NRG1: variants seen among roughly 807,000 people sequenced by gnomAD.
NRG1 encodes pro-neuregulin-1, membrane-bound isoform.
A neutral mutation model predicts 63.8 loss-of-function variants in NRG1; 18 were observed. The ratio of observed to expected loss-of-function variants is 0.28; its 90% confidence interval spans 0.19 to 0.42. The LOEUF is 0.42. Ranked by LOEUF, NRG1 falls within the 10% of genes least tolerant of loss-of-function variation. NRG1 has a pLI of 1.00. For synonymous variants in NRG1, 302 were observed against 301.3 expected (o/e 1.00, Z -0.02); for missense variants, 762 against 814.7 (o/e 0.94, Z 0.79).
At chr8:32,407,299 TA>T (rs1438139040) in intron 1 of NRG1, among the ~76,000 whole-genome samples, 212 of 3,210 alleles carry the variant, frequency 0.066, 5 homozygotes, top group African/African-American at 0.092. Context: ...ATATATTATA[TA>T]TATATATATA....
chr8:31,965,259 G>A (rs546783767), intron 1 of NRG1, among the ~76,000 whole-genome samples: 1 of 149,938 alleles, frequency 6.7e-6, no homozygotes, highest in South Asian at 2.1e-4. Flanking sequence ...GTCTCACTCT[G>A]TCACCCAGGC....
intron 1 of NRG1, among the ~76,000 whole-genome samples, chr8:32,186,735 G>C (rs763056270): frequency 2.6e-5 from 4 of 152,196 alleles, no homozygotes; most frequent in Non-Finnish European, 5.9e-5. Context: ...CAGAGGTACA[G>C]TAAAGTTTGA....
intron 1 of NRG1, among the ~76,000 whole-genome samples, chr8:32,124,923 T>C (rs977894123): frequency 2.0e-5 from 3 of 151,926 alleles, no homozygotes; most frequent in East Asian, 1.9e-4. Flanking sequence ...GACACTACTA[T>C]GGGCTGAATA....
intron 1 of NRG1, among the ~76,000 whole-genome samples, chr8:31,865,891 G>A (rs569762766): frequency 2.0e-5 from 3 of 152,188 alleles, no homozygotes; most frequent in African/African-American, 7.2e-5. Context: ...ATATATGTCG[G>A]GAAAAGAAAT....
chr8:32,756,256 G>C (rs952141382), intron 8 of NRG1, 147 bp from the exon 9 acceptor site: 2 of 761,714 alleles, frequency 2.6e-6, no homozygotes, highest in Admixed American at 3.0e-5. Context: ...ACTTATTCTG[G>C]GATACAGTGG....
chr8:31,759,537 G>A (rs1030171918), intron 1 of NRG1, among the ~76,000 whole-genome samples: 4 of 152,020 alleles, frequency 2.6e-5, no homozygotes, highest in African/African-American at 9.7e-5. Context: ...AAAGCCATAA[G>A]TCACTTATAT....
intron 5 of NRG1, among the ~76,000 whole-genome samples, chr8:32,636,637 AGAT>A (rs1243855600): frequency 6.6e-6 from 1 of 152,160 alleles, no homozygotes; most frequent in Non-Finnish European, 1.5e-5. Context: ...CATTATTCAT[AGAT>A]GTTCTAATTC....
chr8:31,871,697 A>C (rs916554668), intron 1 of NRG1, among the ~76,000 whole-genome samples: 1 of 152,172 alleles, frequency 6.6e-6, no homozygotes, highest in Non-Finnish European at 1.5e-5. Flanking sequence ...TCAAAACCCC[A>C]AAATTTTCTT....
intron 1 of NRG1, among the ~76,000 whole-genome samples, chr8:32,319,241 G>C (rs573641250): frequency 6.6e-6 from 1 of 152,142 alleles, no homozygotes; most frequent in African/African-American, 2.4e-5. Context: ...CAGGGGTGTT[G>C]ATGGAAACAG....
chr8:32,461,494 T>A (rs1822303295), intron 1 of NRG1, among the ~76,000 whole-genome samples: 1 of 151,784 alleles, frequency 6.6e-6, no homozygotes, highest in Admixed American at 6.6e-5. Flanking sequence ...AAGCCAGGAG[T>A]TCGAGACCAG....
chr8:32,377,716 A>G (rs908208615), intron 1 of NRG1, among the ~76,000 whole-genome samples: 3 of 152,098 alleles, frequency 2.0e-5, no homozygotes, highest in Non-Finnish European at 2.9e-5. Context: ...CTCCTCCCCA[A>G]TTTCACCCAG....
At chr8:32,501,001 G>T (rs969978362) in intron 1 of NRG1, among the ~76,000 whole-genome samples, 1 of 152,176 alleles carries the variant, frequency 6.6e-6, no homozygotes, top group Non-Finnish European at 1.5e-5. Context: ...AGCAATGTCA[G>T]CAGAAGCCTG....
intron 1 of NRG1, among the ~76,000 whole-genome samples, chr8:32,241,396 GTTCT>G (rs1356797655): frequency 6.6e-6 from 1 of 152,114 alleles, no homozygotes; most frequent in Non-Finnish European, 1.5e-5. Context: ...TGGTAAGAAT[GTTCT>G]TTTTGATTAT....
chr8:32,593,024 A>C (rs533382607), intron 1 of NRG1, among the ~76,000 whole-genome samples: 25 of 152,190 alleles, frequency 1.6e-4, no homozygotes, highest in Non-Finnish European at 3.5e-4. Context: ...AAGAGAAAAT[A>C]TATTTATTCA....
At chr8:32,078,766 T>G (rs1826990529) in intron 1 of NRG1, among the ~76,000 whole-genome samples, 1 of 152,172 alleles carries the variant, frequency 6.6e-6, no homozygotes, top group Non-Finnish European at 1.5e-5. Flanking sequence ...CCCACTCTCC[T>G]GATAGATATA....
intron 1 of NRG1, among the ~76,000 whole-genome samples, chr8:32,213,603 C>T (rs190616446): frequency 3.4e-3 from 519 of 151,740 alleles, no homozygotes; most frequent in Non-Finnish European, 5.1e-3. Flanking sequence ...ACATGTATCC[C>T]GGAACTTAAA....
chr8:32,555,460 A>G (rs1834939315), intron 1 of NRG1, among the ~76,000 whole-genome samples: 1 of 152,140 alleles, frequency 6.6e-6, no homozygotes, highest in Non-Finnish European at 1.5e-5. Context: ...CTTGTGGATC[A>G]TGGGCTGATT....
intron 1 of NRG1, among the ~76,000 whole-genome samples, chr8:32,067,989 T>G (rs1689361998): frequency 6.6e-6 from 1 of 152,220 alleles, no homozygotes; most frequent in Non-Finnish European, 1.5e-5. Context: ...GAACAGAACC[T>G]AACCTTCAAG....
At chr8:31,892,394 G>A (rs1831222427) in intron 1 of NRG1, among the ~76,000 whole-genome samples, 1 of 152,008 alleles carries the variant, frequency 6.6e-6, no homozygotes, top group Non-Finnish European at 1.5e-5. Context: ...TAGTATTAAA[G>A]GAGACCTAGG....
Sources: gnomAD v4.1 joint callset for allele counts (sites outside exome capture counted in the v4.1 genomes callset) on GRCh38, gnomAD v4.1.1 for gene constraint, MANE v1.5 for transcripts, NCBI Gene and HGNC (gene_info 2026-07-23, HGNC 2026-07-21) for gene names.